Variants in SNAP25 observed in about 807,000 individuals in gnomAD.
The protein encoded by SNAP25 is synaptosomal-associated protein 25.
In SNAP25, 3 loss-of-function variants were observed where a neutral mutation model predicts 28.7. That is an observed-to-expected ratio of 0.10 (90% CI 0.05 to 0.27). The LOEUF (loss-of-function observed/expected upper bound fraction) is 0.27, where lower values mean the gene tolerates loss of function less well. SNAP25 is among the 10% of genes least tolerant of loss of function. The probability of loss-of-function intolerance (pLI) is 1.00; values close to 1 mark genes in which losing one functional copy is unlikely to be tolerated. For synonymous variants in SNAP25, 61 were observed against 88.1 expected, an observed-to-expected ratio of 0.69 and a Z score of 1.72; for missense variants, 117 against 278.7, an observed-to-expected ratio of 0.42 and a Z score of 4.13.
At chr20:10,251,442 T>C (rs776753844) in intron 1 of SNAP25, among the ~76,000 whole-genome samples, 1 of 152,114 alleles carries the variant, frequency 6.6e-6, no homozygotes, top group Non-Finnish European at 1.5e-5. Flanking sequence ...GAAGGCTGGA[T>C]GGAAGGCTGG....
intron 7 of SNAP25, among the ~76,000 whole-genome samples, chr20:10,305,457 A>C (rs545800391): frequency 6.6e-6 from 1 of 152,280 alleles, no homozygotes; most frequent in Non-Finnish European, 1.5e-5. Context: ...TGGGAGGCTC[A>C]GTTGAGCCCA....
chr20:10,276,918 T>C (rs1445564689), intron 2 of SNAP25, among the ~76,000 whole-genome samples: 1 of 152,248 alleles, frequency 6.6e-6, no homozygotes, highest in Non-Finnish European at 1.5e-5. Flanking sequence ...AAAAAGCAGC[T>C]GGCTGACAGC....
At chr20:10,251,935 G>A (rs2063236629) in intron 1 of SNAP25, among the ~76,000 whole-genome samples, 1 of 152,186 alleles carries the variant, frequency 6.6e-6, no homozygotes, top group African/African-American at 2.4e-5. Context: ...CAAATTCTCT[G>A]TACATTTGTG....
intron 1 of SNAP25, among the ~76,000 whole-genome samples, chr20:10,255,136 G>A (rs1158152007): frequency 2.0e-5 from 3 of 152,212 alleles, no homozygotes; most frequent in African/African-American, 7.2e-5. Flanking sequence ...GTCTTTTGGA[G>A]TTTGCCAAAT....
At position 10,283,825 on chromosome 20, in the gene SNAP25, G is replaced by A. The variant is rs530581816; in HGVS notation, c.115-899G>A. Among the ~76,000 whole-genome samples the A allele has an allele frequency of 6.6e-5, 10 of 152,068 alleles. No homozygotes were observed. The South Asian group carries it at 1.9e-3, about 28-fold the overall frequency. ...TGCCATTTTATACCCATTAACAGTC[G>A]CCCTGTAAAATGGAAGGCATTAACT... On this transcript the variant is annotated intron_variant, in intron 3 of 7. Transcript: ENST00000254976.
intron 1 of SNAP25, among the ~76,000 whole-genome samples, chr20:10,223,361 G>A (rs1490966873): frequency 6.6e-6 from 1 of 152,196 alleles, no homozygotes; most frequent in Non-Finnish European, 1.5e-5. Flanking sequence ...GTGGGTTCAT[G>A]TAGAGGAAGA....
rs114274029 is a variant in SNAP25 at position 10,252,835 on chromosome 20, A to G, written c.-63-22594A>G. The stretch of plus-strand genomic sequence containing the variant: ...ATTAAAGTAGTTGTTCTCGACTCAA[A>G]GAGATTTAAGTTTTGGCCACTTAGT... On this transcript the variant is annotated intron_variant, in intron 1 of 7. Transcript: ENST00000254976. 8.3e-3 allele frequency among the ~76,000 whole-genome samples: 1,265 copies of G among 151,946 alleles called. 18 individuals carry two copies. The highest frequency in any genetic ancestry group is 0.03 in the African/African-American group (1,226 of 41,398).
chr20:10,283,225 C>A (rs1244141347), intron 3 of SNAP25, among the ~76,000 whole-genome samples: 1 of 152,234 alleles, frequency 6.6e-6, no homozygotes, highest in Non-Finnish European at 1.5e-5. Flanking sequence ...TCCATTCTAG[C>A]ACATTCCACA....
intron 1 of SNAP25, among the ~76,000 whole-genome samples, chr20:10,244,647 G>A (rs1387601966): frequency 6.6e-6 from 1 of 152,016 alleles, no homozygotes; most frequent in African/African-American, 2.4e-5. Flanking sequence ...GAGACTGTGT[G>A]AAAGGTGACT....
At chr20:10,237,435 G>A (rs937256374) in intron 1 of SNAP25, among the ~76,000 whole-genome samples, 15 of 152,162 alleles carry the variant, frequency 9.9e-5, no homozygotes, top group Admixed American at 9.8e-4. Context: ...AGCAGAAGAG[G>A]CCTTCAGAAT....
At chr20:10,279,583 A>G (rs936877573) in intron 3 of SNAP25, among the ~76,000 whole-genome samples, 8 of 152,232 alleles carry the variant, frequency 5.3e-5, no homozygotes, top group Non-Finnish European at 1.2e-4. Flanking sequence ...TTTTTCATGT[A>G]TCGTCTTAAA....
intron 1 of SNAP25, among the ~76,000 whole-genome samples, chr20:10,220,812 A>G (rs1285453077): frequency 6.6e-6 from 1 of 152,262 alleles, no homozygotes; most frequent in East Asian, 1.9e-4. Flanking sequence ...GTGTTTAGAT[A>G]GTCATACCTC....
intron 1 of SNAP25, among the ~76,000 whole-genome samples, chr20:10,224,663 A>AT (rs144442556): frequency 1.1e-4 from 17 of 151,408 alleles, no homozygotes; most frequent in Non-Finnish European, 2.2e-4. Context: ...CCCAATCCTT[A>AT]TTTTTTCCCC....
rs769950821 is a variant in SNAP25 at position 10,275,495 on chromosome 20, G to A, written c.4G>A (p.Ala2Thr). M[A>T]EDADMRNELE... The stretch of plus-strand genomic sequence containing the variant: ...CCAGCCACTCCCCACCGCTACCATG[G>A]CCGAAGACGCAGACATGCGCAATGA... Residue 2 changes from alanine to threonine, a missense_variant, in exon 2 of 8, where the codon GCC (alanine) becomes ACC (threonine). Around this residue, in one of 3 missense-constraint regions of SNAP25, gnomAD observed 29 missense variants for 53.5 expected, o/e 0.54. Transcript: ENST00000254976. 2 of 1,603,604 alleles carry A rather than the reference G, an allele frequency of 1.2e-6. No homozygotes were observed. The highest frequency in any genetic ancestry group is 1.7e-6 in the Non-Finnish European group (2 of 1,174,706).
intron 1 of SNAP25, among the ~76,000 whole-genome samples, chr20:10,253,602 A>G (rs540112741): frequency 2.0e-5 from 3 of 152,278 alleles, no homozygotes; most frequent in African/African-American, 7.2e-5. Context: ...GCACCTGTGA[A>G]TGAGTGGTCG....
At chr20:10,274,493 CTA>C (rs1165932840) in intron 1 of SNAP25, among the ~76,000 whole-genome samples, 11 of 152,182 alleles carry the variant, frequency 7.2e-5, no homozygotes, top group African/African-American at 2.7e-4. Flanking sequence ...GTAGTACACA[CTA>C]TGTGATTTTT....
At chr20:10,241,389 C>G (rs184923061) in intron 1 of SNAP25, among the ~76,000 whole-genome samples, 9 of 152,104 alleles carry the variant, frequency 5.9e-5, no homozygotes, top group Admixed American at 4.6e-4. Context: ...CTGCCACTCC[C>G]CATGTATTTA....
chr20:10,283,175 C>A (rs1334674950), intron 3 of SNAP25, among the ~76,000 whole-genome samples: 1 of 152,156 alleles, frequency 6.6e-6, no homozygotes, highest in Non-Finnish European at 1.5e-5. Context: ...GATGCATTTT[C>A]TGAATATATT....
chr20:10,263,844 T>G (rs1355659541), intron 1 of SNAP25, among the ~76,000 whole-genome samples: 1 of 152,152 alleles, frequency 6.6e-6, no homozygotes, highest in Non-Finnish European at 1.5e-5. Flanking sequence ...TCTGTAAATA[T>G]TGGTTAAATG....
Sources: allele counts gnomAD v4.1 joint callset (sites outside exome capture counted in the v4.1 genomes callset), GRCh38; gene constraint gnomAD v4.1.1; regional missense constraint gnomAD v4.1.1; transcripts MANE v1.5; gene names NCBI Gene and HGNC (gene_info 2026-07-23, HGNC 2026-07-21).